The following MTUS2 variants were observed in gnomAD, a reference collection of about 807,000 sequenced individuals.
MTUS2 encodes the protein microtubule associated scaffold protein 2.
Under a neutral mutation model 114.1 loss-of-function variants are expected in MTUS2, and 40 were observed. The observed-to-expected ratio is 0.35, with a 90% CI of 0.27 to 0.46. MTUS2 has a LOEUF of 0.46. Ranked by LOEUF, MTUS2 falls within the 20% of genes least tolerant of loss-of-function variation. The probability of loss-of-function intolerance (pLI) is 1.00; values close to 1 mark genes in which losing one functional copy is unlikely to be tolerated. For missense variants in MTUS2, 1,679 were observed against 1,705.4 expected (o/e 0.98, Z 0.27); for synonymous variants, 688 against 672.0 (o/e 1.02, Z -0.37).
At chr13:28,948,272 C>A (rs1167817516) in intron 2 of MTUS2, among the ~76,000 whole-genome samples, 1 of 151,880 alleles carries the variant, frequency 6.6e-6, no homozygotes, top group Non-Finnish European at 1.5e-5. Context: ...CTCAGGTGGT[C>A]GATAAATGTG....
chr13:29,318,670 G>A (rs375318198), intron 6 of MTUS2, among the ~76,000 whole-genome samples: 21 of 152,198 alleles, frequency 1.4e-4, no homozygotes, highest in Middle Eastern at 3.4e-3. Context: ...TATGATGTCC[G>A]GTTCAGGAAT....
chr13:28,946,210 A>G (rs1882517358), intron 2 of MTUS2, among the ~76,000 whole-genome samples: 1 of 152,126 alleles, frequency 6.6e-6, no homozygotes, highest in Admixed American at 6.6e-5. Context: ...CTTTAAATTC[A>G]CCAGTCTAGC....
intron 8 of MTUS2, 72 bp downstream of exon 8, chr13:29,359,545 T>A: frequency 6.7e-7 from 1 of 1,492,750 alleles, no homozygotes; most frequent in South Asian, 1.3e-5. Context: ...GACGGTTGTT[T>A]GTGTATGTTG....
chr13:28,830,250 C>CCA (rs972116993), intron 1 of MTUS2, among the ~76,000 whole-genome samples: 2 of 152,020 alleles, frequency 1.3e-5, no homozygotes, highest in African/African-American at 2.4e-5. Context: ...CATAAAATTT[C>CCA]CACACACACA....
chr13:28,901,909 G>A (rs1879668270), intron 2 of MTUS2, among the ~76,000 whole-genome samples: 1 of 152,058 alleles, frequency 6.6e-6, no homozygotes, highest in African/African-American at 2.4e-5. Flanking sequence ...GGATTTTGAT[G>A]GTAATTGCAT....
chr13:29,059,967 C>T (rs1052233495), intron 4 of MTUS2, among the ~76,000 whole-genome samples: 2 of 152,216 alleles, frequency 1.3e-5, no homozygotes, highest in African/African-American at 4.8e-5. Flanking sequence ...GAAGCTCTAG[C>T]AGGCATTGCC....
At chr13:29,080,264 A>G (rs1889382434) in intron 4 of MTUS2, among the ~76,000 whole-genome samples, 1 of 152,176 alleles carries the variant, frequency 6.6e-6, no homozygotes, top group Admixed American at 6.5e-5. Flanking sequence ...TGGCCTTTTT[A>G]TAAAGTAGTT....
chr13:29,491,229 G>T (rs1395945759), intron 11 of MTUS2, among the ~76,000 whole-genome samples: 3 of 150,498 alleles, frequency 2.0e-5, no homozygotes, highest in Non-Finnish European at 4.4e-5. Context: ...GTACAAAGGT[G>T]TGGGTGCTGT....
rs1383372907 is a variant in MTUS2, at chr13:29,182,178, C to T, written c.2644+81208C>T. On this transcript the variant is annotated intron_variant, in intron 5 of 15. Transcript: ENST00000612955. ...CTGAGCCTGAGGGTAAGTTCTAAGA[C>T]AAAAACCTTGGAGTCATCCTTGATT... is the stretch of plus-strand genomic sequence containing the variant. Among the ~76,000 whole-genome samples, 3 of 152,142 alleles carry T rather than the reference C, an allele frequency of 2.0e-5. No individual in the cohort carries two copies. In the East Asian group the frequency reaches 5.8e-4, roughly 29 times the overall value.
At chr13:28,847,247 A>G (rs985490722) in intron 2 of MTUS2, among the ~76,000 whole-genome samples, 2 of 152,314 alleles carry the variant, frequency 1.3e-5, no homozygotes, top group Middle Eastern at 3.4e-3. Flanking sequence ...AATAAAGTCA[A>G]TATCACTTGA....
At chr13:29,265,470 A>G (rs1210015316) in intron 5 of MTUS2, among the ~76,000 whole-genome samples, 1 of 152,188 alleles carries the variant, frequency 6.6e-6, no homozygotes, top group Non-Finnish European at 1.5e-5. Context: ...CCACATTTTC[A>G]GTATCTGTAT....
At chr13:29,233,399 G>A (rs978326146) in intron 5 of MTUS2, among the ~76,000 whole-genome samples, 1 of 152,128 alleles carries the variant, frequency 6.6e-6, no homozygotes, top group African/African-American at 2.4e-5. Context: ...GACGAAGTAG[G>A]GAAGTGTACC....
intron 2 of MTUS2, among the ~76,000 whole-genome samples, chr13:28,987,505 G>T (rs538335456): frequency 6.6e-6 from 1 of 152,218 alleles, no homozygotes; most frequent in Non-Finnish European, 1.5e-5. Context: ...GAAATGAAAA[G>T]ACAGGACACT....
At chr13:28,863,536 C>T (rs1877120837) in intron 2 of MTUS2, among the ~76,000 whole-genome samples, 1 of 152,162 alleles carries the variant, frequency 6.6e-6, no homozygotes, top group African/African-American at 2.4e-5. Context: ...TGCGAGTGAG[C>T]TTTGTATGCC....
chr13:28,919,793 C>T (rs910631511), intron 2 of MTUS2, among the ~76,000 whole-genome samples: 9 of 152,084 alleles, frequency 5.9e-5, no homozygotes, highest in African/African-American at 1.4e-4. Flanking sequence ...ACTGTATTTT[C>T]GAATCGCTTG....
chr13:28,998,490 C>A (rs1265930089), intron 2 of MTUS2, among the ~76,000 whole-genome samples: 2 of 152,184 alleles, frequency 1.3e-5, no homozygotes, highest in African/African-American at 2.4e-5. Flanking sequence ...GAGTGTTTTC[C>A]AACTTGGTTC....
chr13:29,289,974 A>AT (rs1301593985), intron 6 of MTUS2, among the ~76,000 whole-genome samples: 1 of 152,068 alleles, frequency 6.6e-6, no homozygotes, highest in Non-Finnish European at 1.5e-5. Flanking sequence ...CCATGATCAA[A>AT]TTTCTTTTTC....
Position 28,887,358 on chromosome 13 carries a change from C to T in MTUS2, c.-243+47508C>T, listed in dbSNP as rs555153010. ...TGGACGCTACTCGTTTCTGACGCAC[C>T]TCCCATGTCTCTGACCACAGCTGCC... On this transcript the variant is annotated intron_variant, in intron 2 of 15. Coordinates refer to ENST00000612955, the MANE Select transcript of MTUS2 (RefSeq NM_001033602.4). Among the ~76,000 whole-genome samples the T allele has an allele frequency of 2.0e-5, 3 of 152,272 alleles. No homozygotes were observed. In the East Asian group the frequency reaches 5.8e-4, roughly 29 times the overall value.
chr13:28,956,267 C>T (rs1415305329), intron 2 of MTUS2, among the ~76,000 whole-genome samples: 1 of 152,070 alleles, frequency 6.6e-6, no homozygotes, highest in African/African-American at 2.4e-5. Context: ...CCATGGTTGT[C>T]ACTAGCTTTT....
Sources: allele counts gnomAD v4.1 joint callset (sites outside exome capture counted in the v4.1 genomes callset), GRCh38; gene constraint gnomAD v4.1.1; transcripts MANE v1.5; gene names NCBI Gene and HGNC (gene_info 2026-07-23, HGNC 2026-07-21).